The following MYCBP2 variants were observed in gnomAD, a reference collection of about 807,000 sequenced individuals.
The protein encoded by MYCBP2 is MYC binding protein 2, also known as E3 ubiquitin-protein ligase MYCBP2.
MYCBP2 carries 120 observed loss-of-function variants against 525.3 expected under a neutral mutation model. The observed-to-expected ratio is 0.23, with a 90% CI of 0.20 to 0.27. MYCBP2 has a LOEUF of 0.27. MYCBP2 is among the 10% of genes least tolerant of loss of function. The pLI, the probability that MYCBP2 is intolerant of heterozygous loss-of-function variation, is 1.00. For missense variants in MYCBP2, 4,149 were observed against 5,657.1 expected (o/e 0.73, Z 8.55); for synonymous variants, 1,894 against 1,955.8 (o/e 0.97, Z 0.83).
At chr13:77,287,070 G>C (rs2076930601) in intron 3 of MYCBP2, among the ~76,000 whole-genome samples, 1 of 150,758 alleles carries the variant, frequency 6.6e-6, no homozygotes, top group South Asian at 2.1e-4. Flanking sequence ...TGTGTTTTTA[G>C]TACAGACGGG....
chr13:77,185,904 G>A lies in MYCBP2; in HGVS notation c.4411C>T (p.Arg1471Cys), dbSNP rs1383535643. 1 of 1,610,400 alleles carries A rather than the reference G, an allele frequency of 6.2e-7. No homozygotes were observed. The highest frequency in any genetic ancestry group is 8.5e-7 in the Non-Finnish European group (1 of 1,178,774). ...FVGTCCLRLL[R>C]VYTCEIYPVS... Reference sequence around the variant, plus strand: ...GGGTAAATTTCACAGGTATAGACACGCAATAACCTCAGACAACAGGTACCC... The same window carrying A: ...GGGTAAATTTCACAGGTATAGACACACAATAACCTCAGACAACAGGTACCC... Residue 1471 changes from arginine (R) to cysteine (C), a missense_variant, in exon 31 of 83, where the codon CGT becomes TGT. Physicochemically the swap from Arg to Cys is radical, Grantham distance 180 (BLOSUM62 -3). Around this residue, in one of 21 missense-constraint regions of MYCBP2, gnomAD observed 292 missense variants for 330.5 expected, o/e 0.88. Coordinates refer to ENST00000544440, the MANE Select transcript of MYCBP2 (RefSeq NM_015057.5).
At chr13:77,046,458 G>A (rs944654576) in intron 82 of MYCBP2, among the ~76,000 whole-genome samples, 1 of 152,216 alleles carries the variant, frequency 6.6e-6, no homozygotes, top group African/African-American at 2.4e-5. Context: ...AATGAGGAAT[G>A]ACGTCTCATT....
At chr13:77,057,295 T>C (rs570104488) in intron 78 of MYCBP2, among the ~76,000 whole-genome samples, 7 of 152,336 alleles carry the variant, frequency 4.6e-5, no homozygotes, top group Non-Finnish European at 7.4e-5. Flanking sequence ...GGGATACTAT[T>C]AACTAGGCCT....
chr13:77,304,438 A>G (rs2079152166), intron 1 of MYCBP2, among the ~76,000 whole-genome samples: 1 of 152,192 alleles, frequency 6.6e-6, no homozygotes, highest in African/African-American at 2.4e-5. Context: ...TGATCTCATA[A>G]AAGTAGAAAG....
chr13:77,261,248 G>A lies in MYCBP2; in HGVS notation c.1775C>T (p.Ser592Phe), dbSNP rs188869559. ...ATCTTCTGCAACTAAAAGGGCGTGA[G>A]AGCCATCGTGTCCAACTGAGAAGTG... ...IVHFSVGHDG[S>F]HALLVAEDGS... The change falls in exon 12 of 83, where the codon TCT becomes TTT. Residue 592 changes from serine (S) to phenylalanine (F), a missense_variant. Ser to Phe is a radical substitution (Grantham distance 155). Coordinates refer to ENST00000544440, the MANE Select transcript of MYCBP2 (RefSeq NM_015057.5). The A allele has an allele frequency of 6.2e-7, 1 of 1,613,676 alleles. No individual in the cohort carries two copies. The highest frequency in any genetic ancestry group is 2.2e-5 in the East Asian group (1 of 44,850).
Position 77,166,321 on chromosome 13 carries a change from A to AG in MYCBP2, c.6340+7_6340+8insC. On this transcript the variant is annotated splice_region_variant and intron_variant, in intron 41 of 82. Coordinates refer to ENST00000544440, the MANE Select transcript of MYCBP2 (RefSeq NM_015057.5). ...TACCACATAAAACAGAAGAAAAAAA[A>AG]AACTTACCTGGCAACACCAAAACCA... The AG allele has an allele frequency of 6.3e-7, 1 of 1,576,870 alleles. No individual in the cohort carries two copies. The highest frequency in any genetic ancestry group is 8.6e-7 in the Non-Finnish European group (1 of 1,164,600).
intron 2 of MYCBP2, among the ~76,000 whole-genome samples, chr13:77,289,651 C>T (rs2077269940): frequency 1.3e-5 from 2 of 152,066 alleles, no homozygotes; most frequent in South Asian, 4.1e-4. Flanking sequence ...AATTGGTCTA[C>T]TCTCAGCAAC....
intron 1 of MYCBP2, among the ~76,000 whole-genome samples, chr13:77,315,818 C>T (rs2080860851): frequency 6.6e-6 from 1 of 151,118 alleles, no homozygotes; most frequent in Admixed American, 6.6e-5. Context: ...TTGCTGGATC[C>T]CGGGAGGCAG....
intron 24 of MYCBP2, among the ~76,000 whole-genome samples, chr13:77,205,950 TTA>T (rs1256120497): frequency 6.6e-6 from 1 of 152,164 alleles, no homozygotes; most frequent in Non-Finnish European, 1.5e-5. Flanking sequence ...TCACACAAAC[TTA>T]ATCAACACTA....
rs1594356850 is a variant in MYCBP2 at position 77,083,279 on chromosome 13, G to A, written c.10876-87C>T. ...AGACTATTATGTATACTTAAAAAAT[G>A]GTCATGTAACAGAAATACAAACAAC... On this transcript the variant is annotated intron_variant, in intron 62 of 82. Transcript: ENST00000544440. The A allele has an allele frequency of 2.5e-6, 3 of 1,212,116 alleles. No homozygotes were observed. In the East Asian group the frequency reaches 8.2e-5, roughly 33 times the overall value. The allele number at this position is 1,212,116 out of a possible 1,614,324, so 75.1% of individuals were successfully genotyped here.
chr13:77,282,903 A>C (rs1364217645), intron 3 of MYCBP2, among the ~76,000 whole-genome samples: 5 of 152,154 alleles, frequency 3.3e-5, no homozygotes, highest in Admixed American at 2.6e-4. Context: ...AATTCTGCTT[A>C]ACATTTCCTA....
At position 77,088,774 on chromosome 13, in the gene MYCBP2, G is replaced by A. The variant is rs183592968; in HGVS notation, c.10725+58C>T. 207 of 1,438,518 alleles carry A rather than the reference G, an allele frequency of 1.4e-4. 2 individuals carry two copies. In the East Asian group the frequency reaches 4.5e-3, roughly 31 times the overall value. 89.1% of individuals were successfully genotyped at this position (1,438,518 alleles called of 1,614,324 possible). ...GGTAAAAAAGTGGCATCGTGAAATA[G>A]AATCATCACATGATTTGTATAATCA... On this transcript the variant is annotated intron_variant, in intron 61 of 82. Coordinates refer to ENST00000544440, the MANE Select transcript of MYCBP2 (RefSeq NM_015057.5).
chr13:77,074,202 C>T (rs999517528), intron 68 of MYCBP2, among the ~76,000 whole-genome samples: 1 of 152,038 alleles, frequency 6.6e-6, no homozygotes, highest in African/African-American at 2.4e-5. Flanking sequence ...ACAGACCTAC[C>T]ATTTATGGTA....
intron 3 of MYCBP2, among the ~76,000 whole-genome samples, chr13:77,285,526 C>A (rs955196485): frequency 6.6e-6 from 1 of 152,198 alleles, no homozygotes; most frequent in Non-Finnish European, 1.5e-5. Context: ...GTGACTCACA[C>A]CTGTAATCCC....
chr13:77,119,705 G>A (rs2050361381), intron 55 of MYCBP2, among the ~76,000 whole-genome samples: 1 of 152,148 alleles, frequency 6.6e-6, no homozygotes, highest in South Asian at 2.1e-4. Flanking sequence ...GTTAACAAGA[G>A]TAGGCTTATT....
At position 77,081,306 on chromosome 13, in the gene MYCBP2, A is replaced by G. The variant is rs939836871; in HGVS notation, c.11418+121T>C. The G allele has an allele frequency of 1.1e-5, 9 of 804,450 alleles. No individual in the cohort carries two copies. The highest frequency in any genetic ancestry group is 3.8e-4 in the Middle Eastern group (1 of 2,648). 49.8% of individuals were successfully genotyped at this position (804,450 alleles called of 1,614,324 possible). A position where few individuals can be genotyped will look rare whatever the true frequency, so the allele number is the denominator to read the frequency against. On this transcript the variant is annotated intron_variant, in intron 65 of 82. Transcript: ENST00000544440. This position sits in a 1 kb window ranked among gnomAD's most constrained non-coding sequence, Gnocchi z 4.6. ...TAAGATTTATTTGGGGATTATAGCAATGATGTTTGGTTGGTGAAATTCCAG... is the reference window on the plus strand; with the variant it reads ...TAAGATTTATTTGGGGATTATAGCAGTGATGTTTGGTTGGTGAAATTCCAG...
chr13:77,228,723 GTGTGTA>G (rs1170623752), intron 18 of MYCBP2, among the ~76,000 whole-genome samples: 2 of 150,734 alleles, frequency 1.3e-5, no homozygotes, highest in Non-Finnish European at 3.0e-5. Flanking sequence ...GTGTGTGTGT[GTGTGTA>G]TACCATGTAA....
rs566226135 is a variant in MYCBP2, at chr13:77,206,921, T to C, written c.3417-96A>G. ...CTGATGATACAAAGAGAATAAATAA[T>C]ATAGTCAGCTTAAAGAGGACAAATG... On this transcript the variant is annotated intron_variant, in intron 23 of 82. Coordinates refer to ENST00000544440, the MANE Select transcript of MYCBP2 (RefSeq NM_015057.5). 1.2e-4 allele frequency: 128 copies of C among 1,098,738 alleles called. 3 individuals are homozygous for C. In the African/African-American group the frequency reaches 1.9e-3, roughly 16 times the overall value. The allele number at this position is 1,098,738 out of a possible 1,614,324, so 68.1% of individuals were successfully genotyped here.
At chr13:77,236,282 T>C (rs2067917740) in intron 17 of MYCBP2, among the ~76,000 whole-genome samples, 1 of 152,134 alleles carries the variant, frequency 6.6e-6, no homozygotes, top group South Asian at 2.1e-4. Context: ...AATAGGGGTA[T>C]GAGATAACCA....
Sources: gnomAD v4.1 joint callset for allele counts (sites outside exome capture counted in the v4.1 genomes callset) on GRCh38, gnomAD v4.1.1 for gene constraint, gnomAD v4.1.1 regional missense constraint, Gnocchi (gnomAD v3.1) non-coding constraint, MANE v1.5 for transcripts, NCBI Gene and HGNC (gene_info 2026-07-23, HGNC 2026-07-21) for gene names.